INVS: variants seen among roughly 807,000 people sequenced by gnomAD.
INVS encodes the protein inversin.
In INVS, 86 loss-of-function variants were observed where a neutral mutation model predicts 108.8. The ratio of observed to expected loss-of-function variants is 0.79; its 90% confidence interval spans 0.66 to 0.95. INVS has a LOEUF of 0.95. Ranked by LOEUF, INVS falls within the 40% of genes least tolerant of loss-of-function variation. The pLI is 0.00. For synonymous variants in INVS, 455 were observed against 473.5 expected, an observed-to-expected ratio of 0.96 and a Z score of 0.51; for missense variants, 1,169 against 1,297.4, an observed-to-expected ratio of 0.90 and a Z score of 1.52.
chr9:100,106,762 G>A (rs755766589), intron 2 of INVS, among the ~76,000 whole-genome samples: 4 of 152,044 alleles, frequency 2.6e-5, no homozygotes, highest in South Asian at 2.1e-4. Flanking sequence ...AGGCAGATAC[G>A]TTCATTATAG....
intron 10 of INVS, among the ~76,000 whole-genome samples, chr9:100,256,591 G>A (rs1362185293): frequency 6.6e-6 from 1 of 152,100 alleles, no homozygotes. Flanking sequence ...TTTTAAATGT[G>A]TCCCAGAGAT....
At chr9:100,189,270 T>G (rs1830150983) in intron 3 of INVS, among the ~76,000 whole-genome samples, 1 of 151,986 alleles carries the variant, frequency 6.6e-6, no homozygotes, top group Non-Finnish European at 1.5e-5. Flanking sequence ...TTCTTTTCTT[T>G]TGCTAGTTTG....
chr9:100,253,184 T>C, intron 10 of INVS, 48 bp downstream of exon 10: 3 of 1,421,444 alleles, frequency 2.1e-6, no homozygotes, highest in South Asian at 1.2e-5. Flanking sequence ...GAATTTAGAG[T>C]ATTTCTTCTT....
chr9:100,247,720 A>C (rs144102173), intron 8 of INVS, among the ~76,000 whole-genome samples: 3 of 152,336 alleles, frequency 2.0e-5, no homozygotes, highest in East Asian at 1.9e-4. Flanking sequence ...CTCAAAAAAA[A>C]ATATTTTAAG....
At chr9:100,135,480 G>A (rs1008930144) in intron 3 of INVS, among the ~76,000 whole-genome samples, 6 of 152,220 alleles carry the variant, frequency 3.9e-5, no homozygotes, top group African/African-American at 1.2e-4. Flanking sequence ...GCTCCCAGGT[G>A]ATGGTGATGA....
At chr9:100,289,598 C>T (rs549288749) in intron 13 of INVS, among the ~76,000 whole-genome samples, 5 of 152,316 alleles carry the variant, frequency 3.3e-5, no homozygotes, top group Admixed American at 2.0e-4. Context: ...CCAAGATGGC[C>T]GCCTTCATAT....
chr9:100,283,218 C>T (rs1010237023), intron 12 of INVS, among the ~76,000 whole-genome samples: 8 of 152,068 alleles, frequency 5.3e-5, no homozygotes, highest in Non-Finnish European at 1.2e-4. Context: ...GTGGGAGGAT[C>T]GCTTGAGCCT....
chr9:100,131,912 G>C, intron 3 of INVS: 1 of 983,018 alleles, frequency 1.0e-6, no homozygotes, highest in Non-Finnish European at 1.2e-6. Flanking sequence ...TTACAAAAAG[G>C]AGAAAGAATA....
chr9:100,108,307 A>G (rs188052106), intron 2 of INVS, among the ~76,000 whole-genome samples: 2 of 152,278 alleles, frequency 1.3e-5, no homozygotes, highest in East Asian at 3.9e-4. Context: ...TTATTTATAA[A>G]TTGTTTTTCT....
chr9:100,192,248 AGTGTGTGTGTGTGTGTGTGT>A (rs58132596), intron 3 of INVS, among the ~76,000 whole-genome samples: 1 of 144,916 alleles, frequency 6.9e-6, no homozygotes, highest in East Asian at 2.0e-4. Flanking sequence ...GGGAAAAAAG[AGTGTGTGTGTGTGTGTGTGT>A]GTGTGTGTGT....
intron 15 of INVS, 63 bp from the exon 16 acceptor site, chr9:100,297,873 G>A: frequency 6.5e-7 from 1 of 1,532,988 alleles, no homozygotes; most frequent in South Asian, 1.1e-5. Flanking sequence ...AAGGAATTCA[G>A]AAGTTGGTCA....
Position 100,209,630 on chromosome 9 carries a change from C to T in INVS, c.274-16432C>T, listed in dbSNP as rs577319994. 9.2e-5 allele frequency among the ~76,000 whole-genome samples: 14 copies of T among 151,888 alleles called. No homozygotes were observed. In the East Asian group the frequency reaches 2.3e-3, roughly 25 times the overall value. Reference sequence around the variant, plus strand: ...CTAAAAATACAAAAAATTAGCCGGGCGTGGTGGTGGGCGCCTGTAGTCCCA... The same window carrying T: ...CTAAAAATACAAAAAATTAGCCGGGTGTGGTGGTGGGCGCCTGTAGTCCCA... On this transcript the variant is annotated intron_variant, in intron 3 of 16. Transcript: ENST00000262457.
chr9:100,251,197 T>C (rs1193164100), intron 8 of INVS, among the ~76,000 whole-genome samples: 1 of 152,232 alleles, frequency 6.6e-6, no homozygotes, highest in Non-Finnish European at 1.5e-5. Flanking sequence ...TTTGTTTTGC[T>C]TCCCTTCCTA....
intron 8 of INVS, among the ~76,000 whole-genome samples, chr9:100,248,785 T>G (rs1454801213): frequency 6.6e-6 from 1 of 152,062 alleles, no homozygotes; most frequent in Non-Finnish European, 1.5e-5. Context: ...AGTCCACCAA[T>G]AGAGAGCATT....
chr9:100,147,248 C>G (rs957499937), intron 3 of INVS, among the ~76,000 whole-genome samples: 1 of 152,132 alleles, frequency 6.6e-6, no homozygotes, highest in Non-Finnish European at 1.5e-5. Flanking sequence ...TGTAAAATGA[C>G]TTTCTTGAAC....
At chr9:100,163,285 G>A (rs527757377) in intron 3 of INVS, among the ~76,000 whole-genome samples, 6 of 150,856 alleles carry the variant, frequency 4.0e-5, no homozygotes, top group East Asian at 1.9e-4. Context: ...TAACAAACGC[G>A]GGCACCACCT....
At chr9:100,117,802 T>C (rs1266174132) in intron 2 of INVS, among the ~76,000 whole-genome samples, 1 of 152,194 alleles carries the variant, frequency 6.6e-6, no homozygotes, top group African/African-American at 2.4e-5. Context: ...CTCAATGTGA[T>C]GATATTAGGA....
intron 3 of INVS, among the ~76,000 whole-genome samples, chr9:100,153,213 C>T (rs1280286453): frequency 6.8e-6 from 1 of 146,564 alleles, no homozygotes; most frequent in Non-Finnish European, 1.5e-5. Context: ...AATATGGCTA[C>T]ATAGTGATAA....
At chr9:100,226,828 A>AAT (rs1831340975) in intron 4 of INVS, among the ~76,000 whole-genome samples, 1 of 151,624 alleles carries the variant, frequency 6.6e-6, no homozygotes, top group Non-Finnish European at 1.5e-5. Flanking sequence ...AAAAAAAAAA[A>AAT]AAAAAAATCA....
Sources: allele counts gnomAD v4.1 joint callset (sites outside exome capture counted in the v4.1 genomes callset), GRCh38; gene constraint gnomAD v4.1.1; transcripts MANE v1.5; gene names NCBI Gene and HGNC (gene_info 2026-07-23, HGNC 2026-07-21).